Variants in CTSF observed in about 807,000 individuals in gnomAD.
CTSF encodes cathepsin F.
CTSF carries 65 observed loss-of-function variants against 63.5 expected under a neutral mutation model. The observed-to-expected ratio is 1.02, with a 90% CI of 0.84 to 1.26. CTSF has a LOEUF of 1.26. Among genes scored for constraint, CTSF ranks in the 50% most tolerant of loss-of-function variants. The pLI is 0.00. For missense variants in CTSF, 641 were observed against 631.0 expected (o/e 1.02, Z -0.17); for synonymous variants, 256 against 258.1 (o/e 0.99, Z 0.08).
Position 66,567,995 on chromosome 11 carries a change from T to C in CTSF, c.301A>G (p.Lys101Glu), listed in dbSNP as rs143077418. 34 of 1,592,382 alleles carry C rather than the reference T, an allele frequency of 2.1e-5. No homozygotes were observed. Among genetic ancestry groups the C allele is most frequent in the Non-Finnish European group, 2.9e-5 (34 of 1,171,292 alleles). The change falls in exon 2 of 13, where the codon AAG becomes GAG. Residue 101 changes from lysine (K) to glutamate (E), a missense_variant. By Grantham distance (56) the Lys-to-Glu change is moderately conservative (BLOSUM62 1). Transcript: ENST00000310325. The stretch of plus-strand genomic sequence containing the variant: ...GCCTCATCACTCACCAGGGTTTTCT[T>C]GGACACGGGGAGCCGGCACACCATG... ...DPMVCRLPVSKKTLLCSFQVL... is the reference protein window; with the variant it reads ...DPMVCRLPVSEKTLLCSFQVL...
At chr11:66,565,976 C>T (rs758932306) in intron 6 of CTSF, 46 bp downstream of exon 6, 1 of 1,614,064 alleles carries the variant, frequency 6.2e-7, no homozygotes, top group Admixed American at 1.7e-5. Context: ...CCTTCGTCAG[C>T]CCCAGTGCAG....
chr11:66,568,525 T>C lies in CTSF; in HGVS notation c.-39A>G, dbSNP rs1286198442. 1.1e-5 allele frequency: 17 copies of C among 1,480,802 alleles called. No individual in the cohort carries two copies. The highest frequency in any genetic ancestry group is 5.9e-5 in the East Asian group (2 of 33,690). 91.7% of individuals were successfully genotyped at this position (1,480,802 alleles called of 1,614,324 possible). A position where few individuals can be genotyped will look rare whatever the true frequency, so the allele number is the denominator to read the frequency against. On this transcript the variant is annotated 5_prime_UTR_variant, in exon 1 of 13. Coordinates refer to ENST00000310325, the MANE Select transcript of CTSF (RefSeq NM_003793.4). Reference sequence around the variant, plus strand: ...CCGGCGGCCCGGACCCAACAGACGCTCCACCGACCCACCGGGTACCGAGCC... The same window carrying C: ...CCGGCGGCCCGGACCCAACAGACGCCCCACCGACCCACCGGGTACCGAGCC...
In CTSF at chr11:66,563,982, G is replaced by A. The variant is rs757733702; in HGVS notation, c.1406C>T (p.Ser469Phe). Residue 469 changes from serine (S) to phenylalanine (F), a missense_variant, in exon 13 of 13, where the codon TCC becomes TTC. By Grantham distance (155) the Ser-to-Phe change is radical. Coordinates refer to ENST00000310325, the MANE Select transcript of CTSF (RefSeq NM_003793.4). ...EKGYYYLHRG[S>F]GACGVNTMAS... ...CATGGTGTTCACGCCACAGGCCCCG[G>A]ACCCACGATGCAAGTAGTAGTAACC... The A allele has an allele frequency of 3.2e-5, 52 of 1,613,696 alleles. No individual in the cohort carries two copies. The highest frequency in any genetic ancestry group is 4.2e-5 in the Non-Finnish European group (49 of 1,180,024).
chr11:66,568,461 G>C lies in CTSF; in HGVS notation c.26C>G (p.Ser9Trp). The change falls in exon 1 of 13, where the codon TCG (serine) becomes TGG (tryptophan). Residue 9 changes from serine to tryptophan, a missense_variant. By Grantham distance (177) the Ser-to-Trp change is radical. Coordinates refer to ENST00000310325, the MANE Select transcript of CTSF (RefSeq NM_003793.4). ...TGCGCCCGGGAGCAGCCCCAGCAGC[G>C]ACAGGAGCTGCAGCCAGGGCGCCAT... is the stretch of plus-strand genomic sequence containing the variant. MAPWLQLL[S>W]LLGLLPGAVA... The C allele has an allele frequency of 6.9e-7, 1 of 1,454,848 alleles. No homozygotes were observed. Among genetic ancestry groups the C allele is most frequent in the Non-Finnish European group, 9.0e-7 (1 of 1,112,028 alleles). The allele number at this position is 1,454,848 out of a possible 1,614,324, so 90.1% of individuals were successfully genotyped here.
At chr11:66,566,440 C>T in intron 4 of CTSF, 36 bp from the exon 5 acceptor site, 1 of 1,601,242 alleles carries the variant, frequency 6.2e-7, no homozygotes, top group Non-Finnish European at 8.5e-7. Context: ...GGGGTTCGAC[C>T]CCAGGCAGAT....
chr11:66,566,230 G>T (rs970950102), intron 5 of CTSF, 61 bp downstream of exon 5: 2 of 1,613,528 alleles, frequency 1.2e-6, no homozygotes, highest in African/African-American at 2.7e-5. Flanking sequence ...CTGACCAGAG[G>T]CCTTGCGAGC....
At position 66,567,592 on chromosome 11, in the gene CTSF, T is replaced by C. The variant is rs1857961020; in HGVS notation, c.383A>G (p.Asp128Gly). The change falls in exon 3 of 13, where the codon GAC (aspartate) becomes GGC (glycine). Residue 128 changes from aspartate (D) to glycine (G), a missense_variant. Asp to Gly is a moderately conservative substitution (Grantham distance 94). Coordinates refer to ENST00000310325, the MANE Select transcript of CTSF (RefSeq NM_003793.4). Reference sequence around the variant, plus strand: ...CTCCCCAGCACCTGGAACCTTGGTGTCCACTGGGCCACAGTCCTTCCGCAG... The same window carrying C: ...CTCCCCAGCACCTGGAACCTTGGTGCCCACTGGGCCACAGTCCTTCCGCAG... ...VLLRKDCGPV[D>G]TKVPGAGEPK... 1.9e-6 allele frequency: 3 copies of C among 1,614,152 alleles called. No individual in the cohort carries two copies. The South Asian group carries it at 3.3e-5, about 18-fold the overall frequency.
chr11:66,567,348 T>C, intron 3 of CTSF, 27 bp from the exon 4 acceptor site: 1 of 1,613,972 alleles, frequency 6.2e-7, no homozygotes, highest in Non-Finnish European at 8.5e-7. Flanking sequence ...GTCTTTAGGC[T>C]GACCAGAGAA....
chr11:66,568,456 G>A lies in CTSF; in HGVS notation c.31C>T (p.Leu11=). ...GCCACTGCGCCCGGGAGCAGCCCCA[G>A]CAGCGACAGGAGCTGCAGCCAGGGC... MAPWLQLLSL[L]GLLPGAVAAP... The change falls in exon 1 of 13, where the codon CTG becomes TTG. Residue 11 remains leucine, a synonymous_variant. Coordinates refer to ENST00000310325, the MANE Select transcript of CTSF (RefSeq NM_003793.4). 2 of 1,442,914 alleles carry A rather than the reference G, an allele frequency of 1.4e-6. No homozygotes were observed. Among genetic ancestry groups the A allele is most frequent in the Non-Finnish European group, 1.8e-6 (2 of 1,106,646 alleles). The allele number at this position is 1,442,914 out of a possible 1,614,324, so 89.4% of individuals were successfully genotyped here.
At position 66,563,602 on chromosome 11, in the gene CTSF, G is replaced by C. The variant is rs1371230547; in HGVS notation, c.*331C>G. The C allele has an allele frequency of 9.4e-6, 5 of 531,348 alleles. No homozygotes were observed. The highest frequency in any genetic ancestry group is 1.4e-5 in the Non-Finnish European group (4 of 296,264). 32.9% of individuals were successfully genotyped at this position (531,348 alleles called of 1,614,324 possible). A position where few individuals can be genotyped will look rare whatever the true frequency, so the allele number is the denominator to read the frequency against. ...AACAGAGGAAAGCGGGGGCAGAACA[G>C]AGCTGGGCTTAAGATCAGAAAATTT... On this transcript the variant is annotated 3_prime_UTR_variant, in exon 13 of 13. Coordinates refer to ENST00000310325, the MANE Select transcript of CTSF (RefSeq NM_003793.4).
chr11:66,565,599 C>A (rs958903211), intron 8 of CTSF, 72 bp downstream of exon 8: 45 of 1,589,500 alleles, frequency 2.8e-5, no homozygotes, highest in South Asian at 1.1e-4. Context: ...ATGTCTCCCC[C>A]CCATTATGAA....
chr11:66,565,732 C>G lies in CTSF; in HGVS notation c.984G>C (p.Lys328Asn). The G allele has an allele frequency of 6.2e-7, 1 of 1,613,908 alleles. No homozygotes were observed. Among genetic ancestry groups the G allele is most frequent in the Non-Finnish European group, 8.5e-7 (1 of 1,180,038 alleles). ...LSEQELLDCD[K>N]MDKACMGGLP... is the part of the protein sequence containing the mutation. ...AGCCGCCCATGCAGGCCTTGTCCAT[C>G]TTGTCACAGTCCAAGAGCTCTAGGA... Residue 328 changes from lysine (K) to asparagine (N), a missense_variant, in exon 8 of 13, where the codon AAG (lysine) becomes AAC (asparagine). Lys to Asn is a moderately conservative substitution (Grantham distance 94). Coordinates refer to ENST00000310325, the MANE Select transcript of CTSF (RefSeq NM_003793.4).
chr11:66,567,832 G>C, intron 2 of CTSF, 152 bp downstream of exon 2: 8 of 1,357,894 alleles, frequency 5.9e-6, no homozygotes, highest in Non-Finnish European at 7.9e-6. Context: ...CCCCTTCATA[G>C]CATCTTGGTT....
Position 66,568,606 on chromosome 11 carries a change from T to C in CTSF, c.-120A>G. 2.5e-6 allele frequency: 3 copies of C among 1,216,968 alleles called. No homozygotes were observed. The highest frequency in any genetic ancestry group is 3.2e-6 in the Non-Finnish European group (3 of 927,334). 75.4% of individuals were successfully genotyped at this position (1,216,968 alleles called of 1,614,324 possible). ...AGCGGGGCGACGGCACGCCGACCAA[T>C]GGGCGCTGGTTTGCGGCGCCTGCGC... On this transcript the variant is annotated 5_prime_UTR_variant, in exon 1 of 13. Coordinates refer to ENST00000310325, the MANE Select transcript of CTSF (RefSeq NM_003793.4).
chr11:66,564,303 G>A, intron 11 of CTSF, 157 bp from the exon 12 acceptor site: 3 of 984,586 alleles, frequency 3.0e-6, no homozygotes, highest in South Asian at 3.3e-5. Context: ...GCCTCAGGGA[G>A]AAGCCCTGGG....
intron 10 of CTSF, 29 bp from the exon 11 acceptor site, chr11:66,564,677 A>G: frequency 6.2e-7 from 1 of 1,612,440 alleles, no homozygotes; most frequent in Non-Finnish European, 8.5e-7. Context: ...TAGGGGATCG[A>G]CTCCAAGAAG....
At position 66,563,849 on chromosome 11, in the gene CTSF, C is replaced by A. The variant is rs1857862522; in HGVS notation, c.*84G>T. 6 of 1,549,830 alleles carry A rather than the reference C, an allele frequency of 3.9e-6. No homozygotes were observed. In the South Asian group the frequency reaches 6.9e-5, roughly 18 times the overall value. On this transcript the variant is annotated 3_prime_UTR_variant, in exon 13 of 13. Transcript: ENST00000310325. ...GTGCCTTTCCCTCTGCCAGCTGTAC[C>A]TCCCGGGGAGGGGCCTGGACACATG... is the stretch of plus-strand genomic sequence containing the variant.
chr11:66,564,268 CAGAAAGCG>C (rs1857876515), intron 11 of CTSF, 122 bp from the exon 12 acceptor site: 3 of 1,297,436 alleles, frequency 2.3e-6, no homozygotes, highest in Non-Finnish European at 2.1e-6. Flanking sequence ...AGGAAAAGAG[CAGAAAGCG>C]AGGGGCCCAC....
chr11:66,567,170 C>T, intron 4 of CTSF, 76 bp downstream of exon 4: 1 of 1,460,152 alleles, frequency 6.8e-7, no homozygotes, highest in Non-Finnish European at 9.6e-7. Flanking sequence ...CTTTCTCCTC[C>T]CACACACCAA....
Sources: allele counts gnomAD v4.1 joint callset, GRCh38; gene constraint gnomAD v4.1.1; transcripts MANE v1.5; gene names NCBI Gene and HGNC (gene_info 2026-07-23, HGNC 2026-07-21).